ALDH1L2: variants seen among roughly 807,000 people sequenced by gnomAD.
ALDH1L2 encodes mitochondrial 10-formyltetrahydrofolate dehydrogenase.
Under a neutral mutation model 111.0 loss-of-function variants are expected in ALDH1L2, and 91 were observed. That is an observed-to-expected ratio of 0.82 (90% CI 0.69 to 0.98). The LOEUF is 0.98. Ranked by LOEUF, ALDH1L2 falls within the 50% of genes least tolerant of loss-of-function variation. The pLI, the probability that ALDH1L2 is intolerant of heterozygous loss-of-function variation, is 0.00. For missense variants in ALDH1L2, 995 were observed against 1,126.8 expected, an observed-to-expected ratio of 0.88 and a Z score of 1.67; for synonymous variants, 374 against 392.6, an observed-to-expected ratio of 0.95 and a Z score of 0.56.
chr12:105,039,150 A>C (rs1875369237), intron 17 of ALDH1L2, among the ~76,000 whole-genome samples: 1 of 152,200 alleles, frequency 6.6e-6, no homozygotes, highest in Non-Finnish European at 1.5e-5. Flanking sequence ...CATAGTTGAG[A>C]TCATCCAGTG....
rs773282220 is a variant in ALDH1L2, at chr12:105,030,354, G to C, written c.2486C>G (p.Pro829Arg). ...MYLAKEESFG[P>R]IMVISKFQNG... is the part of the protein sequence containing the mutation. ...TTGGAATTTAGAAATGACCATAATA[G>C]GCCCAAAGGATTCCTCTTTGGCGAG... Residue 829 changes from proline to arginine, a missense_variant, in exon 21 of 23, where the codon CCT (proline) becomes CGT (arginine). Physicochemically the swap from Pro to Arg is moderately radical, Grantham distance 103. Transcript: ENST00000258494. 1.2e-6 allele frequency: 2 copies of C among 1,612,908 alleles called. No homozygotes were observed. Among genetic ancestry groups the C allele is most frequent in the South Asian group, 2.2e-5 (2 of 90,862 alleles).
At chr12:105,038,298 AC>A (rs1236990024) in intron 17 of ALDH1L2, 96 bp from the exon 18 acceptor site, 35 of 647,502 alleles carry the variant, frequency 5.4e-5, no homozygotes, top group Non-Finnish European at 9.0e-5. Context: ...ACACACACAC[AC>A]ACACACACAC....
At chr12:105,066,873 C>T (rs1877388823) in intron 4 of ALDH1L2, among the ~76,000 whole-genome samples, 1 of 152,162 alleles carries the variant, frequency 6.6e-6, no homozygotes, top group African/African-American at 2.4e-5. Context: ...GAAAACATAA[C>T]ACAAATCCTG....
chr12:105,075,911 T>G (rs1684799209), intron 1 of ALDH1L2, among the ~76,000 whole-genome samples: 1 of 152,060 alleles, frequency 6.6e-6, no homozygotes, highest in African/African-American at 2.4e-5. Context: ...TCAACCTCCC[T>G]AGTAGCTGGG....
In ALDH1L2 at chr12:105,058,324, CATGCCTATTTATATCCT is replaced by C. The variant is rs1876768722; in HGVS notation, c.1140-121_1140-105del. ...TTGTTTTGAGGTAAGACTTACATCACATGCCTATTTATATCCTATGAGATCTTCTGTGATACTCATCA... is the reference window on the plus strand; with the variant it reads ...TTGTTTTGAGGTAAGACTTACATCACATGAGATCTTCTGTGATACTCATCA... On this transcript the variant is annotated intron_variant, in intron 9 of 22. Transcript: ENST00000258494. The C allele has an allele frequency of 2.6e-6, 3 of 1,173,918 alleles. No individual in the cohort carries two copies. The South Asian group carries it at 5.4e-5, about 21-fold the overall frequency. 72.7% of individuals were successfully genotyped at this position (1,173,918 alleles called of 1,614,324 possible). A position where few individuals can be genotyped will look rare whatever the true frequency, so the allele number is the denominator to read the frequency against.
chr12:105,038,928 G>GA (rs1179104667), intron 17 of ALDH1L2, among the ~76,000 whole-genome samples: 4 of 152,056 alleles, frequency 2.6e-5, no homozygotes, highest in Non-Finnish European at 4.4e-5. Flanking sequence ...AGCATTGGGA[G>GA]AAAAAATATC....
intron 21 of ALDH1L2, 143 bp from the exon 22 acceptor site, chr12:105,026,887 G>A: frequency 9.8e-7 from 1 of 1,019,606 alleles, no homozygotes; most frequent in Non-Finnish European, 1.4e-6. Flanking sequence ...TTGTTTTTTA[G>A]AGGCCAGGCA....
intron 1 of ALDH1L2, 64 bp downstream of exon 1, chr12:105,084,325 C>A: frequency 1.3e-6 from 2 of 1,487,268 alleles, no homozygotes; most frequent in South Asian, 2.5e-5. Context: ...CCCGGCCCTC[C>A]CGCCCCGGAG....
chr12:105,043,801 T>C (rs1875680472), intron 15 of ALDH1L2, among the ~76,000 whole-genome samples: 1 of 152,322 alleles, frequency 6.6e-6, no homozygotes, highest in East Asian at 1.9e-4. Flanking sequence ...AAGCCTCTAG[T>C]ATGGTTCTGG....
rs1876145371 is a variant in ALDH1L2, at chr12:105,049,924, C to G, written c.1670G>C (p.Trp557Ser). The change falls in exon 13 of 23, where the codon TGG becomes TCG. Residue 557 changes from tryptophan to serine, a missense_variant. Coordinates refer to ENST00000258494, the MANE Select transcript of ALDH1L2 (RefSeq NM_001034173.4). ...TGTGCTTACCTGAATTTTGTCGCAC[C>G]AGCCAGCAAAATATCTGAATGTTTG... is the stretch of plus-strand genomic sequence containing the variant. ...SVQTFRYFAG[W>S]CDKIQGSTIP... The G allele has an allele frequency of 1.2e-6, 2 of 1,610,422 alleles. No homozygotes were observed. The highest frequency in any genetic ancestry group is 4.5e-5 in the East Asian group (2 of 44,722).
chr12:105,060,546 C>T lies in ALDH1L2; in HGVS notation c.1139+435G>A, dbSNP rs544133003. 1.6e-3 allele frequency: 253 copies of T among 153,494 alleles called. 1 individual carries two copies. Among genetic ancestry groups the T allele is most frequent in the Non-Finnish European group, 2.5e-3 (169 of 68,874 alleles). The allele number at this position is 153,494 out of a possible 1,614,324, so 9.5% of individuals were successfully genotyped here. On this transcript the variant is annotated intron_variant, in intron 9 of 22. Coordinates refer to ENST00000258494, the MANE Select transcript of ALDH1L2 (RefSeq NM_001034173.4). ...AGATGAAGAATAAAGATGTGTTGGC[C>T]GAGCGTGGTGGCTCACACCTATAAT...
At chr12:105,042,895 C>T (rs780535082) in intron 15 of ALDH1L2, among the ~76,000 whole-genome samples, 1 of 152,132 alleles carries the variant, frequency 6.6e-6, no homozygotes, top group African/African-American at 2.4e-5. Context: ...TACCTTCACA[C>T]TCTTAAAAAC....
chr12:105,066,377 C>G (rs1221320222), intron 5 of ALDH1L2, among the ~76,000 whole-genome samples, 191 bp downstream of exon 5: 1 of 152,020 alleles, frequency 6.6e-6, no homozygotes, highest in African/African-American at 2.4e-5. Context: ...CTTCCAGACA[C>G]GAGTCTTCCT....
At chr12:105,031,747 A>T in intron 20 of ALDH1L2, 22 bp downstream of exon 20, 1 of 1,606,538 alleles carries the variant, frequency 6.2e-7, no homozygotes, top group Non-Finnish European at 8.5e-7. Context: ...CACCCGGTAA[A>T]CCCCCACAGA....
At chr12:105,067,336 T>C (rs1201379153) in intron 4 of ALDH1L2, among the ~76,000 whole-genome samples, 1 of 151,916 alleles carries the variant, frequency 6.6e-6, no homozygotes, top group Non-Finnish European at 1.5e-5. Context: ...CTATTGCCAA[T>C]CGAAGTCTGC....
chr12:105,044,186 G>A (rs994063811), intron 15 of ALDH1L2, among the ~76,000 whole-genome samples: 3 of 152,162 alleles, frequency 2.0e-5, no homozygotes, highest in Admixed American at 6.5e-5. Flanking sequence ...CAGAAACTTT[G>A]TGTATCTTCA....
At chr12:105,045,445 A>G (rs1044146231) in intron 15 of ALDH1L2, among the ~76,000 whole-genome samples, 1 of 151,206 alleles carries the variant, frequency 6.6e-6, no homozygotes, top group Non-Finnish European at 1.5e-5. Flanking sequence ...ATATAATACT[A>G]TATATATCTA....
At chr12:105,071,773 C>A (rs1877744407) in intron 2 of ALDH1L2, among the ~76,000 whole-genome samples, 1 of 148,182 alleles carries the variant, frequency 6.7e-6, no homozygotes, top group South Asian at 2.1e-4. Context: ...TCTCCAGCCT[C>A]AGCCTCCCGA....
At chr12:105,060,892 A>G in intron 9 of ALDH1L2, 89 bp downstream of exon 9, 1 of 1,169,620 alleles carries the variant, frequency 8.5e-7, no homozygotes, top group East Asian at 2.4e-5. Flanking sequence ...CATCCAGAAC[A>G]AAGGATGTGT....
Sources: gnomAD v4.1 joint callset for allele counts (sites outside exome capture counted in the v4.1 genomes callset) on GRCh38, gnomAD v4.1.1 for gene constraint, MANE v1.5 for transcripts, NCBI Gene and HGNC (gene_info 2026-07-23, HGNC 2026-07-21) for gene names.